FHOD3: variants seen among roughly 807,000 people sequenced by gnomAD.
FHOD3 encodes the protein FH1/FH2 domain-containing protein 3.
A neutral mutation model predicts 173.0 loss-of-function variants in FHOD3; 90 were observed. The observed-to-expected ratio is 0.52, with a 90% CI of 0.44 to 0.62. FHOD3 has a LOEUF of 0.62. FHOD3 is among the 20% of genes least tolerant of loss of function. The pLI, the probability that FHOD3 is intolerant of heterozygous loss-of-function variation, is 0.00. For synonymous variants in FHOD3, 828 were observed against 823.0 expected (o/e 1.01, Z -0.10); for missense variants, 1,945 against 2,034.7 (o/e 0.96, Z 0.85).
chr18:36,546,356 A>G (rs919839971), intron 5 of FHOD3, among the ~76,000 whole-genome samples: 1 of 152,092 alleles, frequency 6.6e-6, no homozygotes, highest in Non-Finnish European at 1.5e-5. Context: ...AGTTCCTTAC[A>G]TGTGTACTTT....
At chr18:36,410,655 T>G (rs2049311705) in intron 3 of FHOD3, among the ~76,000 whole-genome samples, 1 of 152,204 alleles carries the variant, frequency 6.6e-6, no homozygotes, top group Non-Finnish European at 1.5e-5. Context: ...ACCAATGTGG[T>G]AAGAATTTGT....
chr18:36,480,393 C>T (rs1003653951), intron 3 of FHOD3, among the ~76,000 whole-genome samples: 17 of 152,170 alleles, frequency 1.1e-4, no homozygotes, highest in Non-Finnish European at 2.4e-4. Context: ...TCTAAAGTTT[C>T]GCTAGCGGGA....
chr18:36,780,007 C>T lies in FHOD3; in HGVS notation c.*477C>T, dbSNP rs2043962323. ...GATGTAACAAATGTTTATACAAATA[C>T]ATACATGTACACCATGTTTCAAATA... is the stretch of plus-strand genomic sequence containing the variant. On this transcript the variant is annotated 3_prime_UTR_variant, in exon 29 of 29. Transcript: ENST00000590592. The T allele has an allele frequency of 1.8e-6, 1 of 554,148 alleles. No homozygotes were observed. Among genetic ancestry groups the T allele is most frequent in the Non-Finnish European group, 2.7e-6 (1 of 366,548 alleles). 34.3% of individuals were successfully genotyped at this position (554,148 alleles called of 1,614,324 possible). A position where few individuals can be genotyped will look rare whatever the true frequency, so the allele number is the denominator to read the frequency against.
At chr18:36,521,866 C>T (rs1349846317) in intron 5 of FHOD3, among the ~76,000 whole-genome samples, 2 of 152,190 alleles carry the variant, frequency 1.3e-5, no homozygotes, top group African/African-American at 4.8e-5. Flanking sequence ...CAGCCACTCC[C>T]TGCCATCCCA....
chr18:36,342,878 C>A (rs2045693382), intron 1 of FHOD3, among the ~76,000 whole-genome samples: 1 of 152,196 alleles, frequency 6.6e-6, no homozygotes, highest in South Asian at 2.1e-4. Context: ...ATAGCTGTTT[C>A]TCCAGAAAAG....
rs2150247580 is a variant in FHOD3, at chr18:36,759,116, A to G, written c.4426-2A>G. On this transcript the variant is annotated splice_acceptor_variant, in intron 25 of 28. Transcript: ENST00000590592. LOFTEE classifies it high-confidence loss of function. ...CCTGTCCTGTCCTGTCCTCTCGGGT[A>G]GACTGATGAGGAGGAGGAAGTTGAG... is the stretch of plus-strand genomic sequence containing the variant. 1 of 1,535,800 alleles carries G rather than the reference A, an allele frequency of 6.5e-7. No individual in the cohort carries two copies. The highest frequency in any genetic ancestry group is 2.0e-5 in the Admixed American group (1 of 51,000).
intron 10 of FHOD3, among the ~76,000 whole-genome samples, chr18:36,635,584 G>A (rs1204025210): frequency 1.3e-5 from 2 of 152,196 alleles, no homozygotes; most frequent in African/African-American, 4.8e-5. Context: ...GCAGGAGGCT[G>A]TGGTTTGTAG....
chr18:36,446,180 C>A (rs1297666747), intron 3 of FHOD3, among the ~76,000 whole-genome samples: 1 of 152,178 alleles, frequency 6.6e-6, no homozygotes, highest in South Asian at 2.1e-4. Context: ...AAAACCAGAC[C>A]TCGTGGTAGG....
intron 14 of FHOD3, among the ~76,000 whole-genome samples, chr18:36,670,358 A>G (rs1442933231): frequency 6.6e-6 from 1 of 152,072 alleles, no homozygotes; most frequent in African/African-American, 2.4e-5. Flanking sequence ...GATAACTCTA[A>G]TAGCATGTAT....
chr18:36,306,853 G>T (rs142124615), intron 1 of FHOD3, among the ~76,000 whole-genome samples: 222 of 152,334 alleles, frequency 1.5e-3, no homozygotes, highest in Non-Finnish European at 2.5e-3. Context: ...CCATTTCCTT[G>T]CAGAAGTCCC....
At chr18:36,711,053 C>T (rs1032544925) in intron 18 of FHOD3, 8 of 152,176 alleles carry the variant, frequency 5.3e-5, no homozygotes, top group Non-Finnish European at 1.0e-4. Context: ...CAGTGAAGAA[C>T]CACTGACTTT....
chr18:36,684,917 C>T (rs1473567649), intron 15 of FHOD3, among the ~76,000 whole-genome samples: 1 of 152,126 alleles, frequency 6.6e-6, no homozygotes, highest in South Asian at 2.1e-4. Context: ...ATCCTCCTAC[C>T]TCAGCCTCCC....
intron 14 of FHOD3, among the ~76,000 whole-genome samples, chr18:36,676,761 C>T (rs1212679863): frequency 6.6e-6 from 1 of 152,132 alleles, no homozygotes; most frequent in Non-Finnish European, 1.5e-5. Flanking sequence ...CATTCCTTTT[C>T]CCTGATTTCT....
intron 26 of FHOD3, among the ~76,000 whole-genome samples, chr18:36,759,371 A>G (rs1389693585): frequency 6.6e-6 from 1 of 152,206 alleles, no homozygotes; most frequent in Non-Finnish European, 1.5e-5. Flanking sequence ...GCTGTCCCTG[A>G]GGCCCAGCTA....
intron 18 of FHOD3, among the ~76,000 whole-genome samples, chr18:36,714,577 TC>T (rs2040349022): frequency 6.6e-6 from 1 of 152,156 alleles, no homozygotes; most frequent in South Asian, 2.1e-4. Flanking sequence ...TTTTCCCTGT[TC>T]CCAAAATAAG....
intron 19 of FHOD3, among the ~76,000 whole-genome samples, chr18:36,727,070 G>A (rs1342520889): frequency 6.6e-6 from 1 of 152,266 alleles, no homozygotes; most frequent in African/African-American, 2.4e-5. Flanking sequence ...GCTCTGAGAA[G>A]TGGGGTTCTG....
chr18:36,587,029 C>T (rs577032808), intron 6 of FHOD3, among the ~76,000 whole-genome samples: 1 of 152,132 alleles, frequency 6.6e-6, no homozygotes, highest in South Asian at 2.1e-4. Context: ...GAAGTGGAAG[C>T]GTGGTTCACA....
intron 1 of FHOD3, among the ~76,000 whole-genome samples, chr18:36,299,717 C>G (rs1233088995): frequency 6.6e-6 from 1 of 152,214 alleles, no homozygotes; most frequent in African/African-American, 2.4e-5. Flanking sequence ...AGCAGTTGCA[C>G]TGGCTTGCAG....
chr18:36,444,037 C>G (rs1320142710), intron 3 of FHOD3, among the ~76,000 whole-genome samples: 1 of 151,856 alleles, frequency 6.6e-6, no homozygotes, highest in Admixed American at 6.6e-5. Flanking sequence ...ACTAAAAATA[C>G]AAAAAATTAG....
Sources: gnomAD v4.1 joint callset for allele counts (sites outside exome capture counted in the v4.1 genomes callset) on GRCh38, gnomAD v4.1.1 for gene constraint, MANE v1.5 for transcripts, NCBI Gene and HGNC (gene_info 2026-07-23, HGNC 2026-07-21) for gene names.